The following FNIP1 variants were observed in gnomAD, a reference collection of about 807,000 sequenced individuals.
FNIP1 encodes folliculin interacting protein 1.
In FNIP1, 40 loss-of-function variants were observed where a neutral mutation model predicts 124.5. The ratio of observed to expected loss-of-function variants is 0.32; its 90% CI spans 0.25 to 0.42. FNIP1 has a LOEUF of 0.42. Among genes scored for constraint, FNIP1 ranks in the 10% least tolerant of loss-of-function variants. The probability of loss-of-function intolerance (pLI) is 1.00; values close to 1 mark genes in which losing one functional copy is unlikely to be tolerated. For synonymous variants in FNIP1, 472 were observed against 470.6 expected (o/e 1.00, Z -0.04); for missense variants, 1,176 against 1,403.7 (o/e 0.84, Z 2.59).
chr5:131,766,615 G>T (rs983218003), intron 1 of FNIP1, among the ~76,000 whole-genome samples: 3 of 152,198 alleles, frequency 2.0e-5, no homozygotes, highest in Non-Finnish European at 2.9e-5. Flanking sequence ...TGAGATTACA[G>T]AGGCTGAGAA....
chr5:131,776,411 T>C (rs72791151), intron 1 of FNIP1, among the ~76,000 whole-genome samples: 217 of 152,280 alleles, frequency 1.4e-3, no homozygotes, highest in Non-Finnish European at 2.6e-3. Context: ...TCAGCATCTG[T>C]CCACCGAAAG....
chr5:131,682,157 A>T (rs1011418742), intron 11 of FNIP1, among the ~76,000 whole-genome samples: 4 of 152,294 alleles, frequency 2.6e-5, no homozygotes, highest in Non-Finnish European at 4.4e-5. Context: ...ATAAATAAAT[A>T]TGCTGATCAT....
At chr5:131,775,758 C>G (rs1419587926) in intron 1 of FNIP1, among the ~76,000 whole-genome samples, 1 of 151,948 alleles carries the variant, frequency 6.6e-6, no homozygotes, top group Non-Finnish European at 1.5e-5. Flanking sequence ...AAACTCCTCA[C>G]CTCAGGTGAT....
chr5:131,716,913 C>CT (rs1769485272), intron 5 of FNIP1, among the ~76,000 whole-genome samples: 1 of 151,894 alleles, frequency 6.6e-6, no homozygotes, highest in African/African-American at 2.4e-5. Flanking sequence ...TGTATGAATG[C>CT]TTTGATGCTG....
chr5:131,682,487 G>A (rs909497870), intron 11 of FNIP1, among the ~76,000 whole-genome samples: 1 of 152,048 alleles, frequency 6.6e-6, no homozygotes, highest in Non-Finnish European at 1.5e-5. Context: ...GGGAGGTCTA[G>A]GTGGGCGGAT....
At chr5:131,716,281 C>A (rs1769464133) in intron 6 of FNIP1, among the ~76,000 whole-genome samples, 1 of 152,108 alleles carries the variant, frequency 6.6e-6, no homozygotes, top group Non-Finnish European at 1.5e-5. Context: ...TGACACCTTT[C>A]AAAGATGCAT....
At chr5:131,784,889 GA>G (rs1772111980) in intron 1 of FNIP1, among the ~76,000 whole-genome samples, 1 of 148,356 alleles carries the variant, frequency 6.7e-6, no homozygotes. Context: ...AAAAGTAATT[GA>G]AAAAGCAGTT....
rs566215879 is a variant in FNIP1, at chr5:131,690,942, C to T, written c.1202+7975G>A. On this transcript the variant is annotated intron_variant, in intron 11 of 17. Transcript: ENST00000510461. Reference sequence around the variant, plus strand: ...TCAACACTCCTCTATCAGTAAATGACGTATCCATCAGGCGGAAAATTAGTA... The same window carrying T: ...TCAACACTCCTCTATCAGTAAATGATGTATCCATCAGGCGGAAAATTAGTA... 7.2e-5 allele frequency among the ~76,000 whole-genome samples: 11 copies of T among 152,254 alleles called. No homozygotes were observed. The East Asian group carries it at 7.7e-4, about 11-fold the overall frequency.
chr5:131,725,491 GC>G (rs1769830089), intron 3 of FNIP1, among the ~76,000 whole-genome samples: 1 of 151,582 alleles, frequency 6.6e-6, no homozygotes, highest in African/African-American at 2.4e-5. Context: ...TCACGATTTG[GC>G]TGTTTGTCTA....
At chr5:131,653,957 G>A (rs1290767873) in intron 15 of FNIP1, among the ~76,000 whole-genome samples, 2 of 152,164 alleles carry the variant, frequency 1.3e-5, no homozygotes, top group Non-Finnish European at 2.9e-5. Context: ...GGTCAGGCTG[G>A]TCTCGAACTC....
At chr5:131,655,924 C>CAACAA (rs1170244187) in intron 15 of FNIP1, among the ~76,000 whole-genome samples, 2 of 146,530 alleles carry the variant, frequency 1.4e-5, no homozygotes, top group African/African-American at 4.9e-5. Flanking sequence ...TCTCAAAAAA[C>CAACAA]AACAAAACAA....
intron 1 of FNIP1, among the ~76,000 whole-genome samples, chr5:131,785,997 T>A (rs903207702): frequency 8.5e-5 from 13 of 152,132 alleles, no homozygotes; most frequent in Non-Finnish European, 1.8e-4. Flanking sequence ...CCAAAACTTA[T>A]TCTGGAAACT....
intron 2 of FNIP1, among the ~76,000 whole-genome samples, chr5:131,737,676 T>C (rs1361540206): frequency 3.3e-5 from 5 of 152,234 alleles, no homozygotes; most frequent in Admixed American, 6.5e-5. Context: ...GTTTTACATA[T>C]ATTTACTCTT....
At position 131,661,050 on chromosome 5, in the gene FNIP1, T is replaced by C. The variant is rs551239551; in HGVS notation, c.3109-9051A>G. Among the ~76,000 whole-genome samples, 153 of 152,328 alleles carry C rather than the reference T, an allele frequency of 1.0e-3. 2 individuals carry two copies. Among genetic ancestry groups the C allele is most frequent in the Admixed American group, 3.3e-4 (5 of 15,304 alleles). On this transcript the variant is annotated intron_variant, in intron 15 of 17. Transcript: ENST00000510461. ...CTTAAGGGATCTAAGTTTGGCCCCT[T>C]TGGCGGTTTCAATTGGCTCTCCCTA...
In FNIP1 at chr5:131,676,036, T is replaced by C. The variant is rs1436570985; in HGVS notation, c.1519+1667A>G. On this transcript the variant is annotated intron_variant, in intron 13 of 17. Coordinates refer to ENST00000510461, the MANE Select transcript of FNIP1 (RefSeq NM_133372.3). ...ACCACGCCCAGCTAATTTTTTTTTT[T>C]TTTGAGACAGAGTCTTGCACTGTTG... Among the ~76,000 whole-genome samples, 7 of 151,848 alleles carry C rather than the reference T, an allele frequency of 4.6e-5. No individual in the cohort carries two copies. In the East Asian group the frequency reaches 1.4e-3, roughly 30 times the overall value.
chr5:131,653,707 C>A (rs1327182406), intron 15 of FNIP1, among the ~76,000 whole-genome samples: 1 of 152,132 alleles, frequency 6.6e-6, no homozygotes, highest in Non-Finnish European at 1.5e-5. Context: ...CTACTTTTTA[C>A]TCTGTATATC....
intron 1 of FNIP1, among the ~76,000 whole-genome samples, chr5:131,756,987 A>C (rs1386334039): frequency 6.6e-6 from 1 of 152,204 alleles, no homozygotes; most frequent in African/African-American, 2.4e-5. Flanking sequence ...CAATGGATTA[A>C]ACAGTAGATT....
intron 7 of FNIP1, among the ~76,000 whole-genome samples, chr5:131,709,731 T>C (rs1769227213): frequency 1.3e-5 from 2 of 152,016 alleles, no homozygotes; most frequent in East Asian, 1.9e-4. Context: ...CCATTTTCTT[T>C]AAAAAACAAA....
intron 1 of FNIP1, among the ~76,000 whole-genome samples, chr5:131,780,960 C>T (rs892529920): frequency 6.6e-6 from 1 of 152,200 alleles, no homozygotes; most frequent in Non-Finnish European, 1.5e-5. Context: ...AGGCCTCTTG[C>T]ACCAGTTAGC....
Sources: gnomAD v4.1 joint callset for allele counts (sites outside exome capture counted in the v4.1 genomes callset) on GRCh38, gnomAD v4.1.1 for gene constraint, MANE v1.5 for transcripts, NCBI Gene and HGNC (gene_info 2026-07-23, HGNC 2026-07-21) for gene names.